Variants in OR51B5 observed in about 807,000 individuals in gnomAD.
OR51B5 encodes the protein olfactory receptor family 51 subfamily B member 5.
For missense variants in OR51B5, 456 were observed against 374.6 expected, an observed-to-expected ratio of 1.22 and a Z score of -1.79; for synonymous variants, 186 against 144.8, an observed-to-expected ratio of 1.28 and a Z score of -2.04.
chr11:5,411,034 A>AT (rs1459686914), intron 1 of OR51B5, among the ~76,000 whole-genome samples: 1 of 152,318 alleles, frequency 6.6e-6, no homozygotes, highest in Non-Finnish European at 1.5e-5. Flanking sequence ...AAAGAAAACT[A>AT]TTTTTTATAA....
intron 1 of OR51B5, among the ~76,000 whole-genome samples, chr11:5,353,112 A>G (rs1280239189): frequency 1.3e-5 from 2 of 151,980 alleles, no homozygotes; most frequent in Admixed American, 6.6e-5. Flanking sequence ...TGAAGAAATG[A>G]GACTTTCTTC....
rs377572449 is a variant in OR51B5, at chr11:5,389,024, T to C, written n.85-42114A>G. 9.8e-4 allele frequency among the ~76,000 whole-genome samples: 149 copies of C among 152,300 alleles called. 1 individual carries two copies. Among genetic ancestry groups the C allele is most frequent in the African/African-American group, 3.2e-3 (132 of 41,564 alleles). On this transcript the variant is annotated intron_variant and non_coding_transcript_variant, in intron 1 of 4. Transcript: ENST00000415970. ...GAGAGAAAGACAAGTTCTGGAATTA[T>C]ATATTTGTTATTTATCAATATATGG...
chr11:5,346,403 A>G (rs1014639858), upstream of OR51B5: 1 of 152,094 alleles, frequency 6.6e-6, no homozygotes, highest in African/African-American at 2.4e-5. Context: ...GAAAAAAAAT[A>G]TAGGGAAGGA....
intron 1 of OR51B5, among the ~76,000 whole-genome samples, chr11:5,472,144 G>A (rs911524475): frequency 3.3e-5 from 5 of 152,146 alleles, no homozygotes; most frequent in African/African-American, 7.2e-5. Context: ...AGCTGTACAC[G>A]CTCAGAACCA....
chr11:5,469,222 A>T (rs1201864088), intron 1 of OR51B5: 1 of 161,176 alleles, frequency 6.2e-6, no homozygotes, highest in Non-Finnish European at 1.3e-5. Context: ...TAACAGAAAA[A>T]AGAGACAGGA....
At chr11:5,462,190 G>A (rs1851066226) in intron 1 of OR51B5, among the ~76,000 whole-genome samples, 1 of 152,186 alleles carries the variant, frequency 6.6e-6, no homozygotes, top group Non-Finnish European at 1.5e-5. Context: ...TGGGTAGGTT[G>A]GTGAGGAGAG....
intron 1 of OR51B5, among the ~76,000 whole-genome samples, chr11:5,363,957 T>G (rs775920620): frequency 7.9e-5 from 12 of 152,164 alleles, no homozygotes; most frequent in Non-Finnish European, 1.5e-4. Flanking sequence ...GAGGAGAAGC[T>G]TGTGTTAGGA....
chr11:5,463,530 C>A (rs1031377222), intron 1 of OR51B5, among the ~76,000 whole-genome samples: 1 of 152,164 alleles, frequency 6.6e-6, no homozygotes, highest in Non-Finnish European at 1.5e-5. Context: ...AGAGATATTT[C>A]GTCACTATCT....
chr11:5,429,136 ATTC>A (rs1415811960), intron 1 of OR51B5, among the ~76,000 whole-genome samples: 1 of 152,086 alleles, frequency 6.6e-6, no homozygotes, highest in Non-Finnish European at 1.5e-5. Context: ...CATTTTCCAC[ATTC>A]TTATTATTGT....
rs1255409897 is a variant in OR51B5 at position 5,414,986 on chromosome 11, C to T, written n.85-68076G>A. 2.6e-5 allele frequency among the ~76,000 whole-genome samples: 4 copies of T among 152,162 alleles called. No individual in the cohort carries two copies. In the East Asian group the frequency reaches 7.7e-4, roughly 29 times the overall value. On this transcript the variant is annotated intron_variant and non_coding_transcript_variant, in intron 1 of 4. Transcript: ENST00000415970. ...ACAGAATATACATTTTTTTCAGCACCACACCACACCTATTCCAAAATTGAC... is the reference window on the plus strand; with the variant it reads ...ACAGAATATACATTTTTTTCAGCACTACACCACACCTATTCCAAAATTGAC...
In OR51B5 at chr11:5,353,459, CAGTT is replaced by C. The variant is rs10606125; in HGVS notation, n.85-6553_85-6550del. ...CAAAATAGCAGAGTTGAAAAACAAA[CAGTT>C]GGTCATATGTGGAGAGTGGGGAGGA... On this transcript the variant is annotated intron_variant and non_coding_transcript_variant, in intron 1 of 4. Coordinates refer to the OR51B5 transcript ENST00000415970. Among the ~76,000 whole-genome samples the C allele has an allele frequency of 7.1e-3, 1,027 of 145,666 alleles. 8 individuals carry two copies. The highest frequency in any genetic ancestry group is 0.025 in the African/African-American group (983 of 39,366).
At chr11:5,423,266 T>G in intron 1 of OR51B5, 1 of 1,356,806 alleles carries the variant, frequency 7.4e-7, no homozygotes, top group Non-Finnish European at 9.7e-7. Flanking sequence ...TAAGGCAGTA[T>G]GACAAGTCCC....
intron 1 of OR51B5, among the ~76,000 whole-genome samples, chr11:5,444,139 C>G (rs1850731067): frequency 6.6e-6 from 1 of 152,084 alleles, no homozygotes; most frequent in South Asian, 2.1e-4. Context: ...ATTAACAAAA[C>G]CACAATAATA....
At chr11:5,497,959 G>A (rs1044647729) in intron 1 of OR51B5, among the ~76,000 whole-genome samples, 1 of 152,118 alleles carries the variant, frequency 6.6e-6, no homozygotes, top group Non-Finnish European at 1.5e-5. Context: ...AACAACTAAT[G>A]ACTGGTTACC....
chr11:5,441,141 A>C, intron 1 of OR51B5: 2 of 1,613,996 alleles, frequency 1.2e-6, no homozygotes, highest in Non-Finnish European at 1.7e-6. Flanking sequence ...AATAGCCACA[A>C]AGCGATCCAA....
At chr11:5,478,107 C>A (rs57150323) in intron 1 of OR51B5, among the ~76,000 whole-genome samples, 1 of 151,620 alleles carries the variant, frequency 6.6e-6, no homozygotes, top group Non-Finnish European at 1.5e-5. Flanking sequence ...ACTTCAATGT[C>A]CCTGTCTGAC....
At chr11:5,444,943 C>T (rs963160973) in intron 1 of OR51B5, among the ~76,000 whole-genome samples, 3 of 152,114 alleles carry the variant, frequency 2.0e-5, no homozygotes, top group African/African-American at 7.2e-5. Context: ...ACATAAATAG[C>T]CATAGCTCTC....
At chr11:5,459,115 G>C (rs1255019043) in intron 1 of OR51B5, among the ~76,000 whole-genome samples, 4 of 152,126 alleles carry the variant, frequency 2.6e-5, no homozygotes, top group Non-Finnish European at 4.4e-5. Context: ...TTATTATTTT[G>C]AGGTATAATC....
At chr11:5,363,351 TG>T (rs1554934841) in intron 1 of OR51B5, among the ~76,000 whole-genome samples, 2 of 23,382 alleles carry the variant, frequency 8.6e-5, no homozygotes, top group African/African-American at 1.5e-4. Flanking sequence ...CAGTTTTTTT[TG>T]GTTTTTGTTT....
Sources: gnomAD v4.1 joint callset for allele counts (sites outside exome capture counted in the v4.1 genomes callset) on GRCh38, gnomAD v4.1.1 for gene constraint, MANE v1.5 for transcripts, NCBI Gene and HGNC (gene_info 2026-07-23, HGNC 2026-07-21) for gene names.